The following STX1A variants were observed in gnomAD, a reference collection of about 807,000 sequenced individuals.
STX1A encodes the protein syntaxin 1A.
A neutral mutation model predicts 37.8 loss-of-function variants in STX1A; 4 were observed. The observed-to-expected ratio is 0.11, with a 90% CI of 0.05 to 0.24. The LOEUF is 0.24. Ranked by LOEUF, STX1A falls within the 10% of genes least tolerant of loss-of-function variation. The pLI is 1.00. For synonymous variants in STX1A, 135 were observed against 147.4 expected (o/e 0.92, Z 0.61); for missense variants, 251 against 399.9 (o/e 0.63, Z 3.18).
Position 73,706,656 on chromosome 7 carries a change from C to T in STX1A, c.209-1432G>A, listed in dbSNP as rs1798884896. On this transcript the variant is annotated intron_variant, in intron 3 of 9. Transcript: ENST00000222812. The surrounding 1 kb of genome is among the most constrained non-coding windows in gnomAD (Gnocchi z 4.6). ...GGAGCCCAAGGTGTGGAGCAGACAG[C>T]TCTGCTGCCCCATGCCCGCCCCACC... Among the ~76,000 whole-genome samples the T allele has an allele frequency of 6.6e-6, 1 of 152,096 alleles. No homozygotes were observed. Among genetic ancestry groups the T allele is most frequent in the African/African-American group, 2.4e-5 (1 of 41,404 alleles).
At position 73,708,757 on chromosome 7, in the gene STX1A, C is replaced by T. The variant is rs1798982388; in HGVS notation, c.109-69G>A. On this transcript the variant is annotated intron_variant, in intron 2 of 9. Transcript: ENST00000222812. ...GAAGCCTTCTGGGGCCCAGAGATGG[C>T]CCAGAGTAGGGCTGCGGTCAGGGCT... is the stretch of plus-strand genomic sequence containing the variant. The T allele has an allele frequency of 3.9e-6, 6 of 1,525,260 alleles. No individual in the cohort carries two copies. In the South Asian group the frequency reaches 5.8e-5, roughly 15 times the overall value. The allele number at this position is 1,525,260 out of a possible 1,614,324, so 94.5% of individuals were successfully genotyped here.
At chr7:73,708,262 CAAA>C (rs1157786155) in intron 3 of STX1A, among the ~76,000 whole-genome samples, 4 of 49,788 alleles carry the variant, frequency 8.0e-5, no homozygotes, top group Admixed American at 2.1e-4. Flanking sequence ...GACTCCATCT[CAAA>C]AAAAAAAAAA....
At chr7:73,714,110 CT>C (rs1319851232) in intron 1 of STX1A, among the ~76,000 whole-genome samples, 344 of 142,598 alleles carry the variant, frequency 2.4e-3, no homozygotes, top group East Asian at 4.8e-3. Context: ...TGTCCTGGCA[CT>C]TTTTTTTTTT....
Position 73,719,659 on chromosome 7 carries a change from T to G in STX1A, c.-28A>C. On this transcript the variant is annotated 5_prime_UTR_variant, in exon 1 of 10. Transcript: ENST00000222812. The stretch of plus-strand genomic sequence containing the variant: ...TCCCGGGAGTGGCAGCGGCGCCGGC[T>G]GCAGCCGTGTGAGCCCCGCATGCGC... The G allele has an allele frequency of 8.5e-7, 1 of 1,175,694 alleles. No homozygotes were observed. The highest frequency in any genetic ancestry group is 1.1e-6 in the Non-Finnish European group (1 of 948,950). 72.8% of individuals were successfully genotyped at this position (1,175,694 alleles called of 1,614,324 possible). A position where few individuals can be genotyped will look rare whatever the true frequency, so the allele number is the denominator to read the frequency against.
In STX1A at chr7:73,709,031, G is replaced by C; in HGVS notation, c.108+14C>G. The C allele has an allele frequency of 6.2e-7, 1 of 1,614,046 alleles. No individual in the cohort carries two copies. The highest frequency in any genetic ancestry group is 8.5e-7 in the Non-Finnish European group (1 of 1,179,900). ...TGCCAGTGTGCGGGAAGGGTGGGGT[G>C]TGCTGGCTCCCACCTGCTCAAAGAA... On this transcript the variant is annotated intron_variant, in intron 2 of 9. Coordinates refer to ENST00000222812, the MANE Select transcript of STX1A (RefSeq NM_004603.4). This position sits in a 1 kb window ranked among gnomAD's most constrained non-coding sequence, Gnocchi z 4.2.
chr7:73,714,544 G>A (rs925921098), intron 1 of STX1A, among the ~76,000 whole-genome samples: 1 of 152,156 alleles, frequency 6.6e-6, no homozygotes, highest in Admixed American at 6.5e-5. Context: ...GGGACTACAG[G>A]TGCCTGCCAC....
At position 73,705,187 on chromosome 7, in the gene STX1A, T is replaced by C; in HGVS notation, c.246A>G (p.Ile82Met). 1 of 1,614,150 alleles carries C rather than the reference T, an allele frequency of 6.2e-7. No homozygotes were observed. Among genetic ancestry groups the C allele is most frequent in the Non-Finnish European group, 8.5e-7 (1 of 1,180,008 alleles). The part of the protein sequence containing the change: ...KEELEELMSD[I>M]KKTANKVRSK... ...AACGAACTTTGTTTGCTGTCTTCTT[T>C]ATGTCGGACATGAGTTCTTCCAGCT... is the stretch of plus-strand genomic sequence containing the variant. The change falls in exon 4 of 10, where the codon ATA becomes ATG. Residue 82 changes from isoleucine (I) to methionine (M), a missense_variant. Ile to Met is a conservative substitution (Grantham distance 10). This residue lies in a region of STX1A where 214 missense variants were observed against 367.6 expected (regional missense o/e 0.58). Coordinates refer to ENST00000222812, the MANE Select transcript of STX1A (RefSeq NM_004603.4). This position sits in a 1 kb window ranked among gnomAD's most constrained non-coding sequence, Gnocchi z 5.2.
Position 73,702,779 on chromosome 7 carries a change from C to A in STX1A, c.678+66G>T. 1 of 1,608,428 alleles carries A rather than the reference C, an allele frequency of 6.2e-7. No homozygotes were observed. The highest frequency in any genetic ancestry group is 1.1e-5 in the South Asian group (1 of 90,786). On this transcript the variant is annotated intron_variant, in intron 8 of 9. Coordinates refer to ENST00000222812, the MANE Select transcript of STX1A (RefSeq NM_004603.4). This position sits in a 1 kb window ranked among gnomAD's most constrained non-coding sequence, Gnocchi z 4.7. ...AGGGCAGCGTGTCGGGCAGAAAGGG[C>A]GAGGTTAGTGCAGCCCTGGGTGCTG...
At chr7:73,712,013 G>C (rs55951611) in intron 1 of STX1A, among the ~76,000 whole-genome samples, 1 of 152,036 alleles carries the variant, frequency 6.6e-6, no homozygotes, top group Non-Finnish European at 1.5e-5. Context: ...AGAGATGCCC[G>C]CATCCTCCTC....
At chr7:73,711,680 G>A (rs1160655384) in intron 1 of STX1A, among the ~76,000 whole-genome samples, 3 of 152,166 alleles carry the variant, frequency 2.0e-5, no homozygotes, top group Non-Finnish European at 2.9e-5. Context: ...AGGTTGGGAA[G>A]TGGCCCCAGG....
chr7:73,715,597 C>T (rs1257905801), intron 1 of STX1A, among the ~76,000 whole-genome samples: 1 of 152,060 alleles, frequency 6.6e-6, no homozygotes, highest in Non-Finnish European at 1.5e-5. Context: ...GGTGGTCTCT[C>T]CTAGCAGAGA....
At chr7:73,715,419 T>TA (rs1799257334) in intron 1 of STX1A, among the ~76,000 whole-genome samples, 1 of 148,868 alleles carries the variant, frequency 6.7e-6, no homozygotes, top group East Asian at 2.3e-4. Context: ...AGACTCCGTC[T>TA]AAAAAAACAA....
intron 1 of STX1A, among the ~76,000 whole-genome samples, chr7:73,715,228 C>T (rs1799249462): frequency 6.6e-6 from 1 of 151,892 alleles, no homozygotes; most frequent in Admixed American, 6.6e-5. Context: ...TCGAGGCCAT[C>T]CTGCCCAACA....
chr7:73,703,516 G>C lies in STX1A; in HGVS notation c.540+239C>G, dbSNP rs951668997. 7 of 691,606 alleles carry C rather than the reference G, an allele frequency of 1.0e-5. No individual in the cohort carries two copies. In the East Asian group the frequency reaches 1.7e-4, roughly 16 times the overall value. The allele number at this position is 691,606 out of a possible 1,614,324, so 42.8% of individuals were successfully genotyped here. Reference sequence around the variant, plus strand: ...CGGATAAGAGGAGGAGCCGCTGGCCGCCGGCGAAAGTGAGTCCAACTGGGA... The same window carrying C: ...CGGATAAGAGGAGGAGCCGCTGGCCCCCGGCGAAAGTGAGTCCAACTGGGA... On this transcript the variant is annotated intron_variant, in intron 7 of 9. Coordinates refer to ENST00000222812, the MANE Select transcript of STX1A (RefSeq NM_004603.4).
chr7:73,699,940 A>G lies in STX1A; in HGVS notation c.*467T>C. On this transcript the variant is annotated 3_prime_UTR_variant, in exon 10 of 10. Coordinates refer to ENST00000222812, the MANE Select transcript of STX1A (RefSeq NM_004603.4). Reference sequence around the variant, plus strand: ...CAGAGCTGGGCTGTCCCTCAGGGCCACCTCTCCCCTAACCTGAAAAGCAGC... The same window carrying G: ...CAGAGCTGGGCTGTCCCTCAGGGCCGCCTCTCCCCTAACCTGAAAAGCAGC... 5.2e-6 allele frequency: 1 copy of G among 191,116 alleles called. No homozygotes were observed. Among genetic ancestry groups the G allele is most frequent in the South Asian group, 1.1e-4 (1 of 9,382 alleles). The allele number at this position is 191,116 out of a possible 1,614,324, so 11.8% of individuals were successfully genotyped here.
At position 73,708,596 on chromosome 7, in the gene STX1A, G is replaced by C; in HGVS notation, c.201C>G (p.Pro67=). The C allele has an allele frequency of 1.2e-6, 2 of 1,613,856 alleles. No individual in the cohort carries two copies. The highest frequency in any genetic ancestry group is 1.7e-5 in the Admixed American group (1 of 60,012). ...KHSAILASPN[P]DEKTKEELEE... ...CCCGCCCCACACACTCACTCTCATC[G>C]GGGTTGGGGGATGCCAGGATGGCAC... is the stretch of plus-strand genomic sequence containing the variant. The change falls in exon 3 of 10, where the codon CCC becomes CCG. Residue 67 remains proline (P), a synonymous_variant. Coordinates refer to ENST00000222812, the MANE Select transcript of STX1A (RefSeq NM_004603.4).
chr7:73,703,940 G>A (rs1229205361), intron 6 of STX1A, 112 bp from the exon 7 acceptor site: 2 of 1,145,394 alleles, frequency 1.7e-6, no homozygotes, highest in Non-Finnish European at 2.3e-6. Context: ...CCCGAGCTCA[G>A]CGGCAGCCTC....
At chr7:73,719,059 C>G (rs1226535924) in intron 1 of STX1A, among the ~76,000 whole-genome samples, 1 of 151,746 alleles carries the variant, frequency 6.6e-6, no homozygotes, top group Non-Finnish European at 1.5e-5. Context: ...CAGGGTGGCC[C>G]GAGGAGGCCG....
At chr7:73,707,240 A>G (rs1314797171) in intron 3 of STX1A, among the ~76,000 whole-genome samples, 7 of 152,170 alleles carry the variant, frequency 4.6e-5, no homozygotes, top group Non-Finnish European at 8.8e-5. Flanking sequence ...TCAGTGTAGT[A>G]AACAACATCT....
Sources: gnomAD v4.1 joint callset for allele counts (sites outside exome capture counted in the v4.1 genomes callset) on GRCh38, gnomAD v4.1.1 for gene constraint, gnomAD v4.1.1 regional missense constraint, Gnocchi (gnomAD v3.1) non-coding constraint, MANE v1.5 for transcripts, NCBI Gene and HGNC (gene_info 2026-07-23, HGNC 2026-07-21) for gene names.